The following CSMD1 variants were observed in gnomAD, a reference collection of about 807,000 sequenced individuals.
CSMD1 encodes CUB and sushi domain-containing protein 1.
A neutral mutation model predicts 417.5 loss-of-function variants in CSMD1; 213 were observed. The observed-to-expected ratio is 0.51, with a 90% CI of 0.46 to 0.57. The LOEUF is 0.57. Among genes scored for constraint, CSMD1 ranks in the 20% least tolerant of loss-of-function variants. CSMD1 has a pLI of 0.00. For synonymous variants in CSMD1, 2,862 were observed against 1,736.8 expected (o/e 1.65, Z -16.11); for missense variants, 6,923 against 4,529.7 (o/e 1.53, Z -15.17).
intron 3 of CSMD1, among the ~76,000 whole-genome samples, chr8:4,177,936 C>G (rs13261443): frequency 6.6e-6 from 1 of 151,746 alleles, no homozygotes; most frequent in Non-Finnish European, 1.5e-5. Context: ...TGGCAACAAT[C>G]AATAGCTTAT....
At chr8:4,728,308 T>A (rs974578134) in intron 1 of CSMD1, among the ~76,000 whole-genome samples, 3 of 151,642 alleles carry the variant, frequency 2.0e-5, no homozygotes, top group South Asian at 2.1e-4. Flanking sequence ...GGTGTTTATA[T>A]ATTTTAGTGG....
At chr8:4,458,444 T>A (rs942494902) in intron 2 of CSMD1, among the ~76,000 whole-genome samples, 2 of 152,212 alleles carry the variant, frequency 1.3e-5, no homozygotes, top group African/African-American at 4.8e-5. Flanking sequence ...TCTAAAACAG[T>A]CTGAAGTTAA....
At chr8:3,947,751 G>C (rs1049388301) in intron 5 of CSMD1, among the ~76,000 whole-genome samples, 1 of 152,146 alleles carries the variant, frequency 6.6e-6, no homozygotes, top group Non-Finnish European at 1.5e-5. Flanking sequence ...TTATCTTAGT[G>C]AATGTTCCAT....
intron 3 of CSMD1, among the ~76,000 whole-genome samples, chr8:4,402,638 T>C (rs1412486923): frequency 6.6e-6 from 1 of 152,090 alleles, no homozygotes; most frequent in African/African-American, 2.4e-5. Context: ...GCAAGACCTA[T>C]CCCTCATCAC....
chr8:3,861,750 A>G (rs1436476351), intron 5 of CSMD1, among the ~76,000 whole-genome samples: 2 of 152,186 alleles, frequency 1.3e-5, no homozygotes, highest in African/African-American at 4.8e-5. Context: ...TTACCAAAAG[A>G]AATATCCTAA....
rs1483454958 is a variant in CSMD1 at position 3,284,265 on chromosome 8, C to G, written c.4032G>C (p.Leu1344=). The change falls in exon 26 of 70, where the codon CTG becomes CTC. Residue 1344 remains leucine (L), a synonymous_variant. Transcript: ENST00000635120. ...GGGCGGAGCCACTCCACTCCTTCAG[C>G]AGGATGTCACTGTCCACCGGCCCGT... ...VWDGPVDSDI[L]LKEWSGSALP... 2.5e-6 allele frequency: 4 copies of G among 1,613,910 alleles called. No individual in the cohort carries two copies. Among genetic ancestry groups the G allele is most frequent in the East Asian group, 2.2e-5 (1 of 44,858 alleles).
At chr8:4,906,069 T>G (rs933070552) in intron 1 of CSMD1, among the ~76,000 whole-genome samples, 1 of 152,238 alleles carries the variant, frequency 6.6e-6, no homozygotes, top group South Asian at 2.1e-4. Flanking sequence ...TTTCAGACCC[T>G]CTCACCTCTG....
chr8:3,941,011 A>AT (rs1810846467), intron 5 of CSMD1, among the ~76,000 whole-genome samples: 3 of 151,978 alleles, frequency 2.0e-5, no homozygotes, highest in Admixed American at 2.0e-4. Flanking sequence ...ATAGATGTAC[A>AT]TATTTCCATG....
intron 31 of CSMD1, among the ~76,000 whole-genome samples, chr8:3,204,824 A>G (rs989293850): frequency 8.5e-5 from 13 of 152,218 alleles, no homozygotes; most frequent in African/African-American, 2.9e-4. Flanking sequence ...TAAGATGATG[A>G]CAGCTACTAT....
At chr8:4,347,798 C>G (rs1022495707) in intron 3 of CSMD1, among the ~76,000 whole-genome samples, 1 of 151,998 alleles carries the variant, frequency 6.6e-6, no homozygotes, top group Non-Finnish European at 1.5e-5. Context: ...TAAATAAAAT[C>G]TATAATCACT....
intron 3 of CSMD1, among the ~76,000 whole-genome samples, chr8:4,295,976 AC>A (rs1294676611): frequency 1.3e-5 from 2 of 151,860 alleles, no homozygotes; most frequent in Non-Finnish European, 2.9e-5. Context: ...CCTGAAAAAA[AC>A]AAACAAAAAC....
chr8:3,419,421 C>T (rs1314396244), intron 12 of CSMD1, among the ~76,000 whole-genome samples: 1 of 152,178 alleles, frequency 6.6e-6, no homozygotes. Context: ...ATTTACTATT[C>T]TAGAATTTCT....
chr8:4,713,257 A>G (rs1305288670), intron 1 of CSMD1, among the ~76,000 whole-genome samples: 1 of 152,274 alleles, frequency 6.6e-6, no homozygotes, highest in Non-Finnish European at 1.5e-5. Context: ...TACAGAAGGA[A>G]TGCGGAGCAG....
rs192467046 is a variant in CSMD1 at position 3,508,408 on chromosome 8, G to C, written c.1345-14682C>G. On this transcript the variant is annotated intron_variant, in intron 10 of 69. Transcript: ENST00000635120. ...GCATTAGGAGATATACCTAATGTAAGTGACGAGTTAATGGGTGCAGCACAC... is the reference window on the plus strand; with the variant it reads ...GCATTAGGAGATATACCTAATGTAACTGACGAGTTAATGGGTGCAGCACAC... Among the ~76,000 whole-genome samples, 690 of 151,940 alleles carry C rather than the reference G, an allele frequency of 4.5e-3. 9 individuals carry two copies. Among genetic ancestry groups the C allele is most frequent in the African/African-American group, 0.016 (649 of 41,402 alleles).
At chr8:3,491,550 G>T (rs949731827) in intron 11 of CSMD1, among the ~76,000 whole-genome samples, 1 of 152,178 alleles carries the variant, frequency 6.6e-6, no homozygotes, top group East Asian at 1.9e-4. Flanking sequence ...GAATGGGCCA[G>T]CAGGAAGATA....
chr8:4,622,715 G>A (rs1168907864), intron 2 of CSMD1, among the ~76,000 whole-genome samples: 2 of 152,136 alleles, frequency 1.3e-5, no homozygotes, highest in African/African-American at 2.4e-5. Flanking sequence ...CATCCCACCT[G>A]TGCCTGTGTT....
chr8:4,605,007 C>T (rs566281249), intron 2 of CSMD1, among the ~76,000 whole-genome samples: 2 of 152,274 alleles, frequency 1.3e-5, no homozygotes, highest in East Asian at 1.9e-4. Flanking sequence ...CTGTCCAGAA[C>T]ATTAAAGCAA....
At chr8:4,788,338 C>G (rs1797519270) in intron 1 of CSMD1, 4 of 1,542,424 alleles carry the variant, frequency 2.6e-6, no homozygotes, top group African/African-American at 2.7e-5. Context: ...TCTGGGAACA[C>G]TGCATATCCA....
At chr8:4,447,457 A>G (rs1207514289) in intron 2 of CSMD1, among the ~76,000 whole-genome samples, 1 of 152,232 alleles carries the variant, frequency 6.6e-6, no homozygotes, top group Admixed American at 6.5e-5. Flanking sequence ...TAGAATTTAT[A>G]TTATTCATAG....
Sources: allele counts gnomAD v4.1 joint callset (sites outside exome capture counted in the v4.1 genomes callset), GRCh38; gene constraint gnomAD v4.1.1; transcripts MANE v1.5; gene names NCBI Gene and HGNC (gene_info 2026-07-23, HGNC 2026-07-21).